Variants in ADGRB3 observed in about 807,000 individuals in gnomAD.
The protein encoded by ADGRB3 is adhesion G protein-coupled receptor B3, also known as brain-specific angiogenesis inhibitor 3.
In ADGRB3, 37 loss-of-function variants were observed where a neutral mutation model predicts 193.4. That is an observed-to-expected ratio of 0.19 (90% confidence interval 0.15 to 0.25). ADGRB3 has a LOEUF of 0.25. Among genes scored for constraint, ADGRB3 ranks in the 10% least tolerant of loss-of-function variants. The pLI, the probability that ADGRB3 is intolerant of heterozygous loss-of-function variation, is 1.00. For missense variants in ADGRB3, 1,637 were observed against 1,852.9 expected, an observed-to-expected ratio of 0.88 and a Z score of 2.14; for synonymous variants, 690 against 644.2, an observed-to-expected ratio of 1.07 and a Z score of -1.08.
rs1245127817 is a variant in ADGRB3, at chr6:69,302,179, A to G, written c.2815-22693A>G. Reference sequence around the variant, plus strand: ...GGAAAAACAAAATGCCATGAAGGATATATATTAGAAAGGAAAGGAAGCAAG... The same window carrying G: ...GGAAAAACAAAATGCCATGAAGGATGTATATTAGAAAGGAAAGGAAGCAAG... On this transcript the variant is annotated intron_variant, in intron 20 of 31. Transcript: ENST00000370598. Among the ~76,000 whole-genome samples, 4 of 151,934 alleles carry G rather than the reference A, an allele frequency of 2.6e-5. No individual in the cohort carries two copies. In the South Asian group the frequency reaches 8.3e-4, roughly 31 times the overall value.
At chr6:69,158,884 A>G (rs565315596) in intron 17 of ADGRB3, among the ~76,000 whole-genome samples, 4 of 152,168 alleles carry the variant, frequency 2.6e-5, no homozygotes, top group East Asian at 1.9e-4. Flanking sequence ...CAATTTTTCA[A>G]TCTTATTGAG....
At chr6:69,197,235 T>C (rs928359360) in intron 17 of ADGRB3, among the ~76,000 whole-genome samples, 1 of 152,094 alleles carries the variant, frequency 6.6e-6, no homozygotes, top group African/African-American at 2.4e-5. Context: ...GTGTTTTTAT[T>C]GCTAGTTTAT....
intron 17 of ADGRB3, among the ~76,000 whole-genome samples, chr6:69,160,918 G>A (rs1372694923): frequency 3.3e-5 from 5 of 152,108 alleles, no homozygotes; most frequent in Admixed American, 6.6e-5. Context: ...AGAACTGGAG[G>A]CAATGTTCTG....
At chr6:68,826,514 C>T (rs1480489008) in intron 3 of ADGRB3, among the ~76,000 whole-genome samples, 1 of 152,104 alleles carries the variant, frequency 6.6e-6, no homozygotes, top group Non-Finnish European at 1.5e-5. Flanking sequence ...AGAAATTTGG[C>T]TTTTACTCCA....
chr6:69,031,550 T>TTTCTTTCTTTGTTTGTTTCTTTCTTTC, intron 13 of ADGRB3, among the ~76,000 whole-genome samples: 1 of 70,170 alleles, frequency 1.4e-5, no homozygotes, highest in Admixed American at 1.6e-4. Context: ...TCTTTCTTTC[T>TTTCTTTCTTTGTTTGTTTCTTTCTTTC]TTTTCTTTCT....
intron 30 of ADGRB3, among the ~76,000 whole-genome samples, chr6:69,373,985 A>C (rs762861538): frequency 6.6e-6 from 1 of 152,090 alleles, no homozygotes; most frequent in African/African-American, 2.4e-5. Context: ...CAGATTCCTT[A>C]AGCTGATACT....
chr6:68,759,665 A>C (rs1582177956), intron 3 of ADGRB3, among the ~76,000 whole-genome samples: 1 of 152,084 alleles, frequency 6.6e-6, no homozygotes, highest in East Asian at 1.9e-4. Context: ...AAGATATTTC[A>C]AATAAAAGTT....
intron 3 of ADGRB3, among the ~76,000 whole-genome samples, chr6:68,804,473 ATTTC>A (rs1767367666): frequency 6.6e-6 from 1 of 152,116 alleles, no homozygotes; most frequent in Admixed American, 6.5e-5. Flanking sequence ...AAAATTCTCT[ATTTC>A]TTATTACACT....
intron 17 of ADGRB3, among the ~76,000 whole-genome samples, chr6:69,104,367 C>T (rs538118840): frequency 6.6e-6 from 1 of 151,212 alleles, no homozygotes; most frequent in African/African-American, 2.4e-5. Flanking sequence ...GACATGAACT[C>T]ATCGTTTTCT....
At chr6:69,292,797 C>A (rs1039565289) in intron 20 of ADGRB3, among the ~76,000 whole-genome samples, 48 of 152,028 alleles carry the variant, frequency 3.2e-4, no homozygotes, top group African/African-American at 1.2e-3. Flanking sequence ...TATACATGTG[C>A]CATGCTGGTG....
chr6:68,925,157 TA>T (rs1162951901), intron 3 of ADGRB3, among the ~76,000 whole-genome samples: 1 of 151,940 alleles, frequency 6.6e-6, no homozygotes, highest in Admixed American at 6.6e-5. Context: ...ATATAGGTAC[TA>T]AAAAATATCA....
chr6:68,698,222 A>G (rs1433681429), intron 3 of ADGRB3, among the ~76,000 whole-genome samples: 2 of 152,008 alleles, frequency 1.3e-5, no homozygotes, highest in African/African-American at 4.8e-5. Context: ...GCAATTTAGA[A>G]CACTTTGGAA....
At chr6:69,353,879 C>T (rs2127327358) in intron 26 of ADGRB3, among the ~76,000 whole-genome samples, 1 of 152,204 alleles carries the variant, frequency 6.6e-6, no homozygotes, top group South Asian at 2.1e-4. Context: ...GCCTGACCAA[C>T]ATGGAGAAAC....
intron 17 of ADGRB3, among the ~76,000 whole-genome samples, chr6:69,129,452 C>T (rs1177191710): frequency 2.6e-5 from 4 of 151,486 alleles, no homozygotes; most frequent in African/African-American, 9.7e-5. Context: ...AAATTAGTGA[C>T]AAATAAGGAG....
intron 3 of ADGRB3, among the ~76,000 whole-genome samples, chr6:68,698,803 T>A (rs560445872): frequency 2.0e-5 from 3 of 152,214 alleles, no homozygotes; most frequent in African/African-American, 7.2e-5. Context: ...TGTGATCTGC[T>A]TTTTGTGATT....
rs140437541 is a variant in ADGRB3 at position 68,813,045 on chromosome 6, T to C, written c.758-117514T>C. 3.2e-4 allele frequency among the ~76,000 whole-genome samples: 49 copies of C among 152,302 alleles called. 1 individual carries two copies. Among genetic ancestry groups the C allele is most frequent in the African/African-American group, 9.6e-4 (40 of 41,574 alleles). ...CCTTTTCAAATCTCAACGTGAAGTG[T>C]ATCTCCCAGAATTCCCACGTGTTGT... On this transcript the variant is annotated intron_variant, in intron 3 of 31. Transcript: ENST00000370598.
At chr6:68,772,882 C>CAAAAA (rs763967322) in intron 3 of ADGRB3, among the ~76,000 whole-genome samples, 45 of 23,884 alleles carry the variant, frequency 1.9e-3, no homozygotes, top group Non-Finnish European at 2.7e-3. Flanking sequence ...AACAAACAAA[C>CAAAAA]AAAAAAAAAA....
chr6:68,785,062 G>T (rs1320830803), intron 3 of ADGRB3, among the ~76,000 whole-genome samples: 2 of 152,028 alleles, frequency 1.3e-5, no homozygotes, highest in African/African-American at 2.4e-5. Flanking sequence ...ATCTCCTAGA[G>T]CTTCATCATC....
intron 8 of ADGRB3, among the ~76,000 whole-genome samples, chr6:68,966,684 G>A (rs1768390171): frequency 6.6e-6 from 1 of 152,084 alleles, no homozygotes; most frequent in Admixed American, 6.5e-5. Flanking sequence ...GCTTAGAGTG[G>A]GCATCCTGTG....
Sources: gnomAD v4.1 joint callset for allele counts (sites outside exome capture counted in the v4.1 genomes callset) on GRCh38, gnomAD v4.1.1 for gene constraint, MANE v1.5 for transcripts, NCBI Gene and HGNC (gene_info 2026-07-23, HGNC 2026-07-21) for gene names.